The following PXDNL variants were observed in gnomAD, a reference collection of about 807,000 sequenced individuals.
The protein encoded by PXDNL is probable oxidoreductase PXDNL.
PXDNL carries 145 observed loss-of-function variants against 150.8 expected under a neutral mutation model. That is an observed-to-expected ratio of 0.96 (90% CI 0.84 to 1.10). The LOEUF is 1.10. PXDNL is among the 50% of genes least tolerant of loss of function. The probability of loss-of-function intolerance (pLI) is 0.00; values close to 1 mark genes in which losing one functional copy is unlikely to be tolerated. For synonymous variants in PXDNL, 757 were observed against 725.7 expected (o/e 1.04, Z -0.69); for missense variants, 2,087 against 1,873.9 (o/e 1.11, Z -2.10).
intron 1 of PXDNL, among the ~76,000 whole-genome samples, chr8:51,713,041 T>A (rs1448229327): frequency 2.0e-5 from 3 of 152,196 alleles, no homozygotes; most frequent in Non-Finnish European, 4.4e-5. Context: ...ATCTTTCTCC[T>A]AAAAATGTGA....
intron 1 of PXDNL, among the ~76,000 whole-genome samples, chr8:51,737,271 A>G (rs553632768): frequency 1.3e-5 from 2 of 152,330 alleles, no homozygotes; most frequent in South Asian, 4.1e-4. Flanking sequence ...AAACACTTAC[A>G]GTAGTTTCAG....
At chr8:51,544,182 T>C (rs967291105) in intron 4 of PXDNL, among the ~76,000 whole-genome samples, 3 of 152,238 alleles carry the variant, frequency 2.0e-5, no homozygotes, top group Non-Finnish European at 2.9e-5. Flanking sequence ...AGTCTGATCA[T>C]TTTAAAGTAT....
intron 19 of PXDNL, among the ~76,000 whole-genome samples, chr8:51,367,956 C>CG (rs1486904075): frequency 6.6e-6 from 1 of 152,074 alleles, no homozygotes; most frequent in East Asian, 1.9e-4. Flanking sequence ...GGAGAAACCA[C>CG]GTCTGTACTA....
chr8:51,604,011 A>T (rs12676818), intron 2 of PXDNL, among the ~76,000 whole-genome samples: 17,776 of 152,128 alleles, frequency 0.12, 1,359 homozygotes, highest in Admixed American at 0.23. Context: ...CATTTTTCAT[A>T]ATACTGTCAA....
At chr8:51,798,594 C>T (rs554316891) in intron 1 of PXDNL, among the ~76,000 whole-genome samples, 1 of 152,228 alleles carries the variant, frequency 6.6e-6, no homozygotes, top group Admixed American at 6.5e-5. Context: ...AGGCACATTA[C>T]TGATCATTAG....
chr8:51,693,716 G>C (rs1190922215), intron 1 of PXDNL, among the ~76,000 whole-genome samples: 4 of 152,178 alleles, frequency 2.6e-5, no homozygotes, highest in Non-Finnish European at 4.4e-5. Flanking sequence ...GTTGCAGTGA[G>C]CCAAGCTCAC....
chr8:51,337,003 T>C (rs543075482), intron 21 of PXDNL, among the ~76,000 whole-genome samples: 1 of 152,324 alleles, frequency 6.6e-6, no homozygotes, highest in East Asian at 1.9e-4. Context: ...ACACAGACTT[T>C]GTATCAGGCT....
chr8:51,599,126 T>G (rs888471566), intron 2 of PXDNL, among the ~76,000 whole-genome samples: 1 of 152,158 alleles, frequency 6.6e-6, no homozygotes, highest in Non-Finnish European at 1.5e-5. Flanking sequence ...TCTTCTCTTT[T>G]TCTCTTTGTT....
intron 2 of PXDNL, 79 bp from the exon 3 acceptor site, chr8:51,592,777 A>G (rs1201276405): frequency 4.0e-6 from 4 of 1,007,020 alleles, no homozygotes; most frequent in African/African-American, 1.7e-5. Context: ...TGCTAAGTAT[A>G]GTGCTTTACA....
At chr8:51,768,458 A>C (rs2037256000) in intron 1 of PXDNL, among the ~76,000 whole-genome samples, 1 of 152,156 alleles carries the variant, frequency 6.6e-6, no homozygotes, top group South Asian at 2.1e-4. Flanking sequence ...GGGGTAAATA[A>C]ATTATAGGAA....
At chr8:51,770,838 G>A (rs2037285607) in intron 1 of PXDNL, among the ~76,000 whole-genome samples, 1 of 152,176 alleles carries the variant, frequency 6.6e-6, no homozygotes, top group African/African-American at 2.4e-5. Flanking sequence ...GGATGGAGCC[G>A]CTTGGCAGGC....
chr8:51,450,829 T>C (rs952991826), intron 10 of PXDNL, among the ~76,000 whole-genome samples: 2 of 152,140 alleles, frequency 1.3e-5, no homozygotes, highest in African/African-American at 2.4e-5. Flanking sequence ...GGAGGTAGGA[T>C]TGAATTTCTC....
At chr8:51,763,155 G>C (rs532682721) in intron 1 of PXDNL, among the ~76,000 whole-genome samples, 97 of 152,096 alleles carry the variant, frequency 6.4e-4, no homozygotes, top group African/African-American at 2.1e-3. Flanking sequence ...TCTGTCATTT[G>C]TCTATTCCAG....
intron 3 of PXDNL, among the ~76,000 whole-genome samples, chr8:51,571,177 C>T (rs114119594): frequency 3.4e-3 from 520 of 151,462 alleles, no homozygotes; most frequent in African/African-American, 0.012. Flanking sequence ...AATATTTTCA[C>T]TTGAGATTAG....
At chr8:51,606,562 C>T (rs1397778097) in intron 2 of PXDNL, among the ~76,000 whole-genome samples, 2 of 152,138 alleles carry the variant, frequency 1.3e-5, no homozygotes, top group African/African-American at 2.4e-5. Flanking sequence ...GAAGTTCAAA[C>T]TAGCCTTTAA....
chr8:51,324,933 C>T (rs1201175854), intron 21 of PXDNL, among the ~76,000 whole-genome samples: 1 of 152,050 alleles, frequency 6.6e-6, no homozygotes, highest in Admixed American at 6.6e-5. Context: ...CTCTGTTGCC[C>T]AGGCTGGAGT....
intron 5 of PXDNL, among the ~76,000 whole-genome samples, chr8:51,489,395 A>T (rs1267396758): frequency 6.6e-6 from 1 of 152,192 alleles, no homozygotes; most frequent in Non-Finnish European, 1.5e-5. Context: ...GGTTCATTGC[A>T]GCCTCAACCT....
At chr8:51,784,295 A>G (rs558338580) in intron 1 of PXDNL, among the ~76,000 whole-genome samples, 1 of 152,390 alleles carries the variant, frequency 6.6e-6, no homozygotes, top group East Asian at 1.9e-4. Context: ...CTACCAAGGA[A>G]CCAAACTGCA....
intron 2 of PXDNL, among the ~76,000 whole-genome samples, chr8:51,600,930 A>C (rs923671632): frequency 7.3e-6 from 1 of 137,758 alleles, no homozygotes; most frequent in African/African-American, 2.9e-5. Flanking sequence ...TAAATTATAT[A>C]ATTTATATAA....
Sources: allele counts gnomAD v4.1 joint callset (sites outside exome capture counted in the v4.1 genomes callset), GRCh38; gene constraint gnomAD v4.1.1; transcripts MANE v1.5; gene names NCBI Gene and HGNC (gene_info 2026-07-23, HGNC 2026-07-21).